MARCHF1: variants seen among roughly 807,000 people sequenced by gnomAD.
MARCHF1 encodes membrane associated ring-CH-type finger 1, also known as E3 ubiquitin-protein ligase MARCHF1.
A neutral mutation model predicts 54.2 loss-of-function variants in MARCHF1; 40 were observed. The observed-to-expected ratio is 0.74, with a 90% CI of 0.57 to 0.96. MARCHF1 has a LOEUF of 0.96. Ranked by LOEUF, MARCHF1 falls within the 40% of genes least tolerant of loss-of-function variation. MARCHF1 has a pLI of 0.00. For synonymous variants in MARCHF1, 236 were observed against 236.3 expected (o/e 1.00, Z 0.01); for missense variants, 586 against 656.5 (o/e 0.89, Z 1.17).
chr4:164,075,621 AAC>A (rs1288843987), intron 2 of MARCHF1, among the ~76,000 whole-genome samples: 2 of 152,232 alleles, frequency 1.3e-5, no homozygotes, highest in African/African-American at 4.8e-5. Context: ...TTGTTGTGGT[AAC>A]AGATAACTGA....
At chr4:163,593,567 T>C (rs1740661147) in intron 7 of MARCHF1, among the ~76,000 whole-genome samples, 1 of 152,228 alleles carries the variant, frequency 6.6e-6, no homozygotes, top group African/African-American at 2.4e-5. Flanking sequence ...ACTGATTTTC[T>C]GATCTTTTTT....
chr4:163,565,044 C>T (rs924681403), intron 8 of MARCHF1, among the ~76,000 whole-genome samples: 2 of 152,114 alleles, frequency 1.3e-5, no homozygotes, highest in African/African-American at 2.4e-5. Flanking sequence ...GAAAATACTT[C>T]GTCTTTTCAG....
intron 5 of MARCHF1, among the ~76,000 whole-genome samples, chr4:163,620,412 T>C (rs1741641217): frequency 6.6e-6 from 1 of 152,150 alleles, no homozygotes; most frequent in Non-Finnish European, 1.5e-5. Context: ...CTCATGGGAA[T>C]TAATTTTGCT....
At chr4:163,952,038 A>G (rs542095053) in intron 3 of MARCHF1, among the ~76,000 whole-genome samples, 9 of 152,330 alleles carry the variant, frequency 5.9e-5, no homozygotes, top group African/African-American at 1.9e-4. Context: ...AGTAGTTATT[A>G]GTAGCAACAA....
chr4:164,082,135 G>T (rs1437124807), intron 2 of MARCHF1, among the ~76,000 whole-genome samples: 1 of 152,180 alleles, frequency 6.6e-6, no homozygotes, highest in Non-Finnish European at 1.5e-5. Flanking sequence ...GCCCATAAAT[G>T]CAAATACATG....
chr4:163,610,786 C>T (rs72683427), intron 7 of MARCHF1, among the ~76,000 whole-genome samples: 52,192 of 151,694 alleles, frequency 0.34, 9,358 homozygotes, highest in South Asian at 0.41. Flanking sequence ...TGGCCCTGTA[C>T]AGTCGAGCCC....
intron 1 of MARCHF1, among the ~76,000 whole-genome samples, chr4:164,245,690 T>G (rs967952648): frequency 3.3e-5 from 5 of 151,662 alleles, no homozygotes; most frequent in African/African-American, 1.2e-4. Context: ...TGATTATATA[T>G]CTAGAAAACC....
At chr4:164,130,006 T>C (rs1756267544) in intron 1 of MARCHF1, 1 of 152,156 alleles carries the variant, frequency 6.6e-6, no homozygotes, top group African/African-American at 2.4e-5. Flanking sequence ...ATAAATCCTA[T>C]GTTCTGAATT....
chr4:163,804,653 TGA>T (rs1188689204), intron 4 of MARCHF1, among the ~76,000 whole-genome samples: 2 of 152,202 alleles, frequency 1.3e-5, no homozygotes, highest in African/African-American at 4.8e-5. Context: ...GTTTTATCTC[TGA>T]GAGACCTACA....
intron 3 of MARCHF1, among the ~76,000 whole-genome samples, chr4:163,956,502 T>C (rs901804555): frequency 2.6e-5 from 4 of 152,080 alleles, no homozygotes; most frequent in African/African-American, 9.7e-5. Context: ...AGTTAATTAG[T>C]ACTAAGATTT....
chr4:164,003,130 T>C (rs1560856810), intron 2 of MARCHF1, among the ~76,000 whole-genome samples: 1 of 151,850 alleles, frequency 6.6e-6, no homozygotes, highest in Non-Finnish European at 1.5e-5. Flanking sequence ...TGCAAAATGG[T>C]ATAAGGACAG....
chr4:163,608,079 A>G (rs1410972562), intron 7 of MARCHF1, among the ~76,000 whole-genome samples: 1 of 152,130 alleles, frequency 6.6e-6, no homozygotes, highest in Non-Finnish European at 1.5e-5. Flanking sequence ...ATGTGTTGAG[A>G]ATGTTCTATC....
chr4:163,670,664 A>G (rs1231718437), intron 5 of MARCHF1, among the ~76,000 whole-genome samples: 1 of 151,938 alleles, frequency 6.6e-6, no homozygotes, highest in Non-Finnish European at 1.5e-5. Context: ...TATGGATTCA[A>G]AGACTTCTTG....
intron 8 of MARCHF1, among the ~76,000 whole-genome samples, chr4:163,581,169 A>G (rs1356483574): frequency 2.0e-5 from 3 of 152,246 alleles, no homozygotes; most frequent in Non-Finnish European, 4.4e-5. Flanking sequence ...GCACAGTGCA[A>G]TGAGCACATG....
chr4:163,952,732 A>C (rs1001198710), intron 3 of MARCHF1, among the ~76,000 whole-genome samples: 1 of 152,212 alleles, frequency 6.6e-6, no homozygotes, highest in African/African-American at 2.4e-5. Flanking sequence ...AATGCCTGCC[A>C]GCTATCTCCC....
At chr4:164,351,947 A>C (rs1382792921) in intron 1 of MARCHF1, among the ~76,000 whole-genome samples, 7 of 149,102 alleles carry the variant, frequency 4.7e-5, no homozygotes, top group Non-Finnish European at 1.0e-4. Context: ...CCAAGGCTCG[A>C]GAACTACGTG....
chr4:163,686,194 C>T (rs1387071858), intron 5 of MARCHF1, among the ~76,000 whole-genome samples: 9 of 128,388 alleles, frequency 7.0e-5, no homozygotes, highest in Non-Finnish European at 1.5e-4. Flanking sequence ...ATTTTAAATT[C>T]AATCTTTTGT....
chr4:164,021,112 C>T (rs1392014495), intron 2 of MARCHF1, among the ~76,000 whole-genome samples: 1 of 143,782 alleles, frequency 7.0e-6, no homozygotes, highest in East Asian at 2.1e-4. Flanking sequence ...GTAGTGAACA[C>T]TGAGAGGCTG....
intron 1 of MARCHF1, among the ~76,000 whole-genome samples, chr4:164,333,886 A>G (rs1397936308): frequency 2.0e-5 from 3 of 152,276 alleles, no homozygotes; most frequent in African/African-American, 4.8e-5. Context: ...CAGTGAACAC[A>G]TGAATGATAA....
Sources: gnomAD v4.1 joint callset for allele counts (sites outside exome capture counted in the v4.1 genomes callset) on GRCh38, gnomAD v4.1.1 for gene constraint, MANE v1.5 for transcripts, NCBI Gene and HGNC (gene_info 2026-07-23, HGNC 2026-07-21) for gene names.